The following ENAH variants were observed in gnomAD, a reference collection of about 807,000 sequenced individuals.
ENAH encodes the protein ENAH actin regulator, also known as protein enabled homolog.
In ENAH, 23 loss-of-function variants were observed where a neutral mutation model predicts 78.7. The ratio of observed to expected loss-of-function variants is 0.29; its 90% CI spans 0.21 to 0.41. The LOEUF (loss-of-function observed/expected upper bound fraction) is 0.41. Among genes scored for constraint, ENAH ranks in the 10% least tolerant of loss-of-function variants. The pLI is 1.00. For missense variants in ENAH, 544 were observed against 691.0 expected (o/e 0.79, Z 2.39); for synonymous variants, 226 against 241.0 (o/e 0.94, Z 0.58).
In ENAH at chr1:225,511,178, G is replaced by C. The variant is rs148301866; in HGVS notation, c.1471+633C>G. Reference sequence around the variant, plus strand: ...AGTTTATTTATGTCATTTCATTCCAGAATAGATAAGGAGTTCAATAGATAG... The same window carrying C: ...AGTTTATTTATGTCATTTCATTCCACAATAGATAAGGAGTTCAATAGATAG... On this transcript the variant is annotated intron_variant, in intron 10 of 13. Transcript: ENST00000366843. Among the ~76,000 whole-genome samples the C allele has an allele frequency of 1.0e-3, 155 of 152,254 alleles. No individual in the cohort carries two copies. The Middle Eastern group carries it at 0.02, about 20-fold the overall frequency.
rs1483307865 is a variant in ENAH at position 225,519,514 on chromosome 1, C to T, written c.486G>A (p.Glu162=). The change falls in exon 5 of 14, where the codon GAG becomes GAA. Residue 162 remains glutamate (E), a synonymous_variant. Coordinates refer to ENST00000366843, the MANE Select transcript of ENAH (RefSeq NM_018212.6). ...RQKELERERL[E]RERMERERLE... is the part of the protein sequence containing the mutation. ...ACCTTTCTCTTTCCATTCTTTCTCGCTCCAGCCTTTCCCGCTCCAGCTCCT... is the reference window on the plus strand; with the variant it reads ...ACCTTTCTCTTTCCATTCTTTCTCGTTCCAGCCTTTCCCGCTCCAGCTCCT... 5 of 1,612,370 alleles carry T rather than the reference C, an allele frequency of 3.1e-6. No individual in the cohort carries two copies. Among genetic ancestry groups the T allele is most frequent in the East Asian group, 4.5e-5 (2 of 44,578 alleles).
At position 225,496,595 on chromosome 1, in the gene ENAH, A is replaced by ATT. The variant is rs2096250956; in HGVS notation, c.*1179_*1180insAA. On this transcript the variant is annotated 3_prime_UTR_variant, in exon 14 of 14. Coordinates refer to ENST00000366843, the MANE Select transcript of ENAH (RefSeq NM_018212.6). Reference sequence around the variant, plus strand: ...TTTTGAGTTCCACAGTTAAGATATTATGTGAAGCTCAGAATCATGTTTCAG... The same window carrying ATT: ...TTTTGAGTTCCACAGTTAAGATATTATTTGTGAAGCTCAGAATCATGTTTCAG... 1 of 152,686 alleles carries ATT rather than the reference A, an allele frequency of 6.5e-6. No individual in the cohort carries two copies. The highest frequency in any genetic ancestry group is 2.4e-5 in the African/African-American group (1 of 41,468). The allele number at this position is 152,686 out of a possible 1,614,324, so 9.5% of individuals were successfully genotyped here.
At chr1:225,518,089 T>G (rs1273422045) in intron 5 of ENAH, 28 of 1,021,196 alleles carry the variant, frequency 2.7e-5, no homozygotes, top group Non-Finnish European at 3.9e-5. Context: ...AGACACAATG[T>G]ATAAATGTAG....
chr1:225,502,680 T>C (rs1275411084), intron 11 of ENAH, among the ~76,000 whole-genome samples: 2 of 152,370 alleles, frequency 1.3e-5, no homozygotes, highest in East Asian at 3.9e-4. Context: ...AATATTTATA[T>C]GAAATATTTC....
chr1:225,620,297 G>GC (rs1558920346), intron 1 of ENAH, among the ~76,000 whole-genome samples: 1 of 151,964 alleles, frequency 6.6e-6, no homozygotes, highest in Non-Finnish European at 1.5e-5. Context: ...GGAGGCCGCG[G>GC]CAGGTAGATC....
chr1:225,600,026 C>T (rs1338736990), intron 1 of ENAH, among the ~76,000 whole-genome samples: 2 of 152,122 alleles, frequency 1.3e-5, no homozygotes, highest in African/African-American at 4.8e-5. Context: ...CCTACTCCCA[C>T]TTCACTTTCT....
chr1:225,600,521 A>C (rs901452517), intron 1 of ENAH, among the ~76,000 whole-genome samples: 1 of 152,192 alleles, frequency 6.6e-6, no homozygotes, highest in African/African-American at 2.4e-5. Context: ...CCACCAACCT[A>C]ATACAAAGGC....
chr1:225,510,261 T>C (rs1479850762), intron 10 of ENAH, among the ~76,000 whole-genome samples: 1 of 152,204 alleles, frequency 6.6e-6, no homozygotes, highest in Non-Finnish European at 1.5e-5. Flanking sequence ...ATATATTAGA[T>C]AAGGAATTTT....
intron 1 of ENAH, among the ~76,000 whole-genome samples, chr1:225,579,442 T>C (rs1262562999): frequency 6.6e-5 from 10 of 152,234 alleles, no homozygotes; most frequent in Non-Finnish European, 1.3e-4. Context: ...AATATCAGAT[T>C]TTTTTAAGGC....
chr1:225,611,483 TA>T (rs1240214760), intron 1 of ENAH, among the ~76,000 whole-genome samples: 1 of 152,128 alleles, frequency 6.6e-6, no homozygotes, highest in Non-Finnish European at 1.5e-5. Flanking sequence ...CACGCCCAGC[TA>T]ATTTTTATAT....
intron 3 of ENAH, among the ~76,000 whole-genome samples, chr1:225,542,928 A>G (rs979654307): frequency 6.6e-6 from 1 of 151,958 alleles, no homozygotes; most frequent in Admixed American, 6.6e-5. Context: ...CTGAGGCAGG[A>G]GGATCCTTTG....
intron 7 of ENAH, among the ~76,000 whole-genome samples, chr1:225,513,592 T>C (rs536277692): frequency 6.9e-4 from 105 of 152,342 alleles, no homozygotes; most frequent in Admixed American, 7.2e-4. Flanking sequence ...ATAATTATAT[T>C]ACTGGTTATG....
intron 4 of ENAH, among the ~76,000 whole-genome samples, 173 bp from the exon 5 acceptor site, chr1:225,519,738 T>C (rs1218203378): frequency 6.6e-6 from 1 of 152,204 alleles, no homozygotes; most frequent in African/African-American, 2.4e-5. Context: ...TTCATACAAA[T>C]GAAAATCATT....
chr1:225,601,649 T>C (rs1231401998), intron 1 of ENAH, among the ~76,000 whole-genome samples: 1 of 152,186 alleles, frequency 6.6e-6, no homozygotes, highest in Admixed American at 6.5e-5. Context: ...ATACATTTTT[T>C]TTCTCACATA....
chr1:225,652,665 C>A (rs1663260543), intron 1 of ENAH, 21 bp downstream of exon 1: 1 of 1,276,670 alleles, frequency 7.8e-7, no homozygotes, highest in Non-Finnish European at 9.9e-7. Context: ...CCGCCCGGCC[C>A]CCGCCCCGCG....
chr1:225,564,114 T>G (rs78975510), intron 2 of ENAH, among the ~76,000 whole-genome samples: 6,538 of 151,972 alleles, frequency 0.043, 228 homozygotes, highest in South Asian at 0.11. Flanking sequence ...ATTCTGCAAG[T>G]TTTTTTTGTT....
intron 4 of ENAH, chr1:225,524,722 T>C: frequency 1.1e-6 from 1 of 876,798 alleles, no homozygotes; most frequent in South Asian, 5.2e-5. Context: ...ATTCCCCTTT[T>C]ATAACTTTCA....
chr1:225,648,758 CTTTT>C (rs57529265), intron 1 of ENAH, among the ~76,000 whole-genome samples: 3 of 134,694 alleles, frequency 2.2e-5, no homozygotes, highest in Non-Finnish European at 3.2e-5. Flanking sequence ...AGATTATCTC[CTTTT>C]TTTTTTTTTT....
intron 1 of ENAH, among the ~76,000 whole-genome samples, chr1:225,581,612 G>A (rs895447597): frequency 6.6e-6 from 1 of 152,128 alleles, no homozygotes; most frequent in African/African-American, 2.4e-5. Context: ...TGTAAGCAGG[G>A]AGGGTTCTGC....
Sources: gnomAD v4.1 joint callset for allele counts (sites outside exome capture counted in the v4.1 genomes callset) on GRCh38, gnomAD v4.1.1 for gene constraint, MANE v1.5 for transcripts, NCBI Gene and HGNC (gene_info 2026-07-23, HGNC 2026-07-21) for gene names.